The following CHCHD3 variants were observed in gnomAD, a reference collection of about 807,000 sequenced individuals.
CHCHD3 encodes MICOS complex subunit MIC19.
A neutral mutation model predicts 38.2 loss-of-function variants in CHCHD3; 20 were observed. That is an observed-to-expected ratio of 0.52 (90% CI 0.37 to 0.76). The LOEUF is 0.76. Among genes scored for constraint, CHCHD3 ranks in the 30% least tolerant of loss-of-function variants. CHCHD3 has a pLI of 0.00. For missense variants in CHCHD3, 245 were observed against 279.2 expected (o/e 0.88, Z 0.87); for synonymous variants, 82 against 100.0 (o/e 0.82, Z 1.07).
chr7:132,914,680 C>T (rs568423210), intron 4 of CHCHD3, among the ~76,000 whole-genome samples: 181 of 152,212 alleles, frequency 1.2e-3, no homozygotes, highest in African/African-American at 1.8e-3. Context: ...CAAGGGGTGC[C>T]GCTCTGGCAG....
At chr7:132,916,570 TA>T (rs1208057182) in intron 4 of CHCHD3, among the ~76,000 whole-genome samples, 5 of 152,232 alleles carry the variant, frequency 3.3e-5, no homozygotes, top group African/African-American at 1.2e-4. Flanking sequence ...TAGTTATTGC[TA>T]TTAATCTCTT....
At chr7:132,942,679 G>C (rs1274609566) in intron 4 of CHCHD3, among the ~76,000 whole-genome samples, 1 of 152,076 alleles carries the variant, frequency 6.6e-6, no homozygotes, top group Non-Finnish European at 1.5e-5. Context: ...GATCTAGACT[G>C]GTATTACAGA....
In CHCHD3 at chr7:132,827,435, G is replaced by A. The variant is rs151040815; in HGVS notation, c.524+10964C>T. Among the ~76,000 whole-genome samples the A allele has an allele frequency of 5.9e-5, 9 of 152,272 alleles. No homozygotes were observed. The East Asian group carries it at 1.7e-3, about 29-fold the overall frequency. ...GCACAGTCAACAGACTACATGTTGT[G>A]GACCTGCCTTTGACTGTGACCTGTC... On this transcript the variant is annotated intron_variant, in intron 6 of 7. Coordinates refer to ENST00000262570, the MANE Select transcript of CHCHD3 (RefSeq NM_017812.4).
chr7:132,790,544 A>T (rs1488348966), intron 7 of CHCHD3, among the ~76,000 whole-genome samples: 1 of 152,192 alleles, frequency 6.6e-6, no homozygotes, highest in Admixed American at 6.5e-5. Flanking sequence ...GGGCTGCCCT[A>T]CCAAAAAAAT....
At chr7:132,878,552 T>C (rs1409971545) in intron 5 of CHCHD3, among the ~76,000 whole-genome samples, 1 of 152,216 alleles carries the variant, frequency 6.6e-6, no homozygotes, top group Non-Finnish European at 1.5e-5. Flanking sequence ...TTAATGGCAA[T>C]TTATTTTTCA....
intron 6 of CHCHD3, among the ~76,000 whole-genome samples, chr7:132,816,467 T>C (rs1361560091): frequency 1.3e-5 from 2 of 152,230 alleles, no homozygotes; most frequent in Non-Finnish European, 2.9e-5. Flanking sequence ...ATGAGCATTT[T>C]AGGAGTACCT....
At chr7:132,841,987 A>G (rs957232924) in intron 5 of CHCHD3, among the ~76,000 whole-genome samples, 3 of 152,002 alleles carry the variant, frequency 2.0e-5, no homozygotes, top group African/African-American at 7.3e-5. Flanking sequence ...AATCCCAGCT[A>G]CTCAGGAGGC....
At chr7:132,907,735 A>T (rs1322921719) in intron 4 of CHCHD3, among the ~76,000 whole-genome samples, 1 of 152,236 alleles carries the variant, frequency 6.6e-6, no homozygotes, top group African/African-American at 2.4e-5. Flanking sequence ...CTTGGTATGT[A>T]GGATGGATTA....
chr7:132,908,661 G>C (rs1403737687), intron 4 of CHCHD3, among the ~76,000 whole-genome samples: 1 of 152,074 alleles, frequency 6.6e-6, no homozygotes, highest in Admixed American at 6.5e-5. Context: ...TGTAAGTACT[G>C]GGTCCAGGCC....
chr7:133,004,872 C>G (rs1023957391), intron 3 of CHCHD3, among the ~76,000 whole-genome samples: 1 of 152,110 alleles, frequency 6.6e-6, no homozygotes, highest in African/African-American at 2.4e-5. Context: ...ACATTTGTAT[C>G]AAACCACTGC....
At chr7:132,902,576 C>A (rs1212104681) in intron 4 of CHCHD3, among the ~76,000 whole-genome samples, 3 of 152,046 alleles carry the variant, frequency 2.0e-5, no homozygotes, top group Admixed American at 1.3e-4. Flanking sequence ...GGACAGAAAA[C>A]CAAACACCAC....
intron 4 of CHCHD3, chr7:132,974,010 C>G (rs1007014301): frequency 2.3e-6 from 3 of 1,286,580 alleles, no homozygotes; most frequent in Non-Finnish European, 3.0e-6. Flanking sequence ...TCACCCAGAG[C>G]AGCTCCACTT....
intron 6 of CHCHD3, chr7:132,815,559 T>G (rs909566775): frequency 8.8e-6 from 4 of 456,450 alleles, no homozygotes; most frequent in African/African-American, 8.0e-5. Flanking sequence ...GTTCTCCTAC[T>G]AGGAGCCATA....
intron 4 of CHCHD3, among the ~76,000 whole-genome samples, chr7:132,926,111 C>A (rs1810371861): frequency 6.6e-6 from 1 of 152,196 alleles, no homozygotes; most frequent in South Asian, 2.1e-4. Flanking sequence ...GCATAGGAAT[C>A]AGATACACCA....
intron 3 of CHCHD3, among the ~76,000 whole-genome samples, chr7:133,018,462 T>C (rs994106622): frequency 2.0e-5 from 3 of 152,238 alleles, no homozygotes; most frequent in African/African-American, 7.2e-5. Flanking sequence ...ATTTCAAAAC[T>C]ATGCCTTTAT....
At chr7:132,927,949 T>A (rs1463538540) in intron 4 of CHCHD3, among the ~76,000 whole-genome samples, 2 of 151,882 alleles carry the variant, frequency 1.3e-5, no homozygotes, top group African/African-American at 2.4e-5. Context: ...ACAAAAAAAA[T>A]TGATTTATAT....
At chr7:132,896,745 T>C (rs925219006) in intron 4 of CHCHD3, among the ~76,000 whole-genome samples, 7 of 152,158 alleles carry the variant, frequency 4.6e-5, no homozygotes, top group African/African-American at 1.4e-4. Flanking sequence ...TAAAAGACCA[T>C]GGTGAATCAA....
chr7:133,008,420 G>GA (rs1812762904), intron 3 of CHCHD3, among the ~76,000 whole-genome samples: 1 of 114,704 alleles, frequency 8.7e-6, no homozygotes. Flanking sequence ...CACACATGCA[G>GA]AAAAGAAAAA....
intron 6 of CHCHD3, among the ~76,000 whole-genome samples, chr7:132,825,824 A>G (rs2117075848): frequency 6.6e-6 from 1 of 152,330 alleles, no homozygotes; most frequent in East Asian, 1.9e-4. Flanking sequence ...GCACAAGCAC[A>G]AAACATGGTA....
Sources: gnomAD v4.1 joint callset for allele counts (sites outside exome capture counted in the v4.1 genomes callset) on GRCh38, gnomAD v4.1.1 for gene constraint, MANE v1.5 for transcripts, NCBI Gene and HGNC (gene_info 2026-07-23, HGNC 2026-07-21) for gene names.